The following TSC22D1 variants were observed in gnomAD, a reference collection of about 807,000 sequenced individuals.
TSC22D1 encodes TSC22 domain family member 1.
In TSC22D1, 9 loss-of-function variants were observed where a neutral mutation model predicts 74.2. That is an observed-to-expected ratio of 0.12 (90% CI 0.07 to 0.21). The LOEUF (loss-of-function observed/expected upper bound fraction) is 0.21. Ranked by LOEUF, TSC22D1 falls within the 10% of genes least tolerant of loss-of-function variation. TSC22D1 has a pLI of 1.00. For synonymous variants in TSC22D1, 586 were observed against 492.5 expected (o/e 1.19, Z -2.51); for missense variants, 1,427 against 1,304.7 (o/e 1.09, Z -1.44).
At position 44,574,074 on chromosome 13, in the gene TSC22D1, C is replaced by T. The variant is rs756090419; in HGVS notation, c.2001G>A (p.Met667Ile). 2.9e-5 allele frequency: 47 copies of T among 1,614,112 alleles called. No individual in the cohort carries two copies. Among genetic ancestry groups the T allele is most frequent in the South Asian group, 1.2e-4 (11 of 91,092 alleles). Reference protein sequence around the residue: ...VQQQPILQTAMSSGQPSSAGV... With the variant: ...VQQQPILQTAISSGQPSSAGV... Reference sequence around the variant, plus strand: ...CTGCAGAACTGGGCTGTCCGGAGGACATTGCTGTTTGAAGAATTGGCTGCT... The same window carrying T: ...CTGCAGAACTGGGCTGTCCGGAGGATATTGCTGTTTGAAGAATTGGCTGCT... Residue 667 changes from methionine to isoleucine, a missense_variant, in exon 1 of 3, where the codon ATG becomes ATA. Physicochemically the swap from Met to Ile is conservative, Grantham distance 10. Transcript: ENST00000458659.
chr13:44,451,280 C>G (rs1034993170), intron 1 of TSC22D1: 1 of 152,320 alleles, frequency 6.6e-6, no homozygotes, highest in Non-Finnish European at 1.5e-5. Flanking sequence ...AGCACAGAGA[C>G]TCTGCCCCTC....
chr13:44,496,390 A>G (rs1039694860), intron 1 of TSC22D1, among the ~76,000 whole-genome samples: 2 of 152,130 alleles, frequency 1.3e-5, no homozygotes, highest in Non-Finnish European at 2.9e-5. Flanking sequence ...TTTTAAAAAA[A>G]TCAGTGGGGT....
intron 1 of TSC22D1, among the ~76,000 whole-genome samples, chr13:44,520,876 A>T (rs1280654321): frequency 6.6e-6 from 1 of 152,214 alleles, no homozygotes; most frequent in African/African-American, 2.4e-5. Context: ...TTATGTAGTA[A>T]CAGAGACTAC....
chr13:44,460,494 G>C (rs1375208556), intron 1 of TSC22D1, among the ~76,000 whole-genome samples: 1 of 151,134 alleles, frequency 6.6e-6, no homozygotes, highest in Admixed American at 6.6e-5. Context: ...TTAGTTCAGA[G>C]GGTGATTCCT....
intron 1 of TSC22D1, chr13:44,436,672 AC>A: frequency 6.3e-7 from 1 of 1,596,992 alleles, no homozygotes. Context: ...AAGAGGGAAC[AC>A]CAGCAGCCTT....
At chr13:44,520,718 T>C (rs1880274046) in intron 1 of TSC22D1, among the ~76,000 whole-genome samples, 1 of 152,130 alleles carries the variant, frequency 6.6e-6, no homozygotes, top group African/African-American at 2.4e-5. Flanking sequence ...ATGTCAGATT[T>C]ATGTTTGGTA....
chr13:44,573,883 T>C lies in TSC22D1; in HGVS notation c.2192A>G (p.Asn731Ser), dbSNP rs776904052. The change falls in exon 1 of 3, where the codon AAT becomes AGT. Residue 731 changes from asparagine to serine, a missense_variant. Transcript: ENST00000458659. ...AGGTATGTTTGCTTGCTGACCAATA[T>C]TTGCAATCTGACTGCCAGTAGGTAC... Reference protein sequence around the residue: ...SAVPTGSQIANIGQQANIPTA... With the variant: ...SAVPTGSQIASIGQQANIPTA... 1.2e-6 allele frequency: 2 copies of C among 1,614,198 alleles called. No individual in the cohort carries two copies. Among genetic ancestry groups the C allele is most frequent in the Non-Finnish European group, 1.7e-6 (2 of 1,180,024 alleles).
chr13:44,462,945 C>T (rs781214149), intron 1 of TSC22D1, among the ~76,000 whole-genome samples: 1 of 152,124 alleles, frequency 6.6e-6, no homozygotes, highest in Non-Finnish European at 1.5e-5. Flanking sequence ...TAATTACAAA[C>T]TATAAATTAT....
intron 1 of TSC22D1, among the ~76,000 whole-genome samples, chr13:44,480,999 G>A (rs1204754259): frequency 6.6e-6 from 1 of 152,150 alleles, no homozygotes; most frequent in Non-Finnish European, 1.5e-5. Context: ...AAAGAAGGGA[G>A]GCCAAGCAAC....
At chr13:44,487,859 C>T (rs1878516891) in intron 1 of TSC22D1, among the ~76,000 whole-genome samples, 1 of 152,032 alleles carries the variant, frequency 6.6e-6, no homozygotes, top group Non-Finnish European at 1.5e-5. Context: ...GAGTTTGAGA[C>T]CAGCCCTGGC....
intron 1 of TSC22D1, among the ~76,000 whole-genome samples, chr13:44,487,782 C>T (rs955312718): frequency 2.0e-5 from 3 of 151,666 alleles, no homozygotes; most frequent in Non-Finnish European, 2.9e-5. Flanking sequence ...CTTGGCTAGT[C>T]GCATTAGCTC....
chr13:44,435,391 G>A (rs1874491361), intron 2 of TSC22D1: 2 of 156,998 alleles, frequency 1.3e-5, no homozygotes, highest in Admixed American at 6.4e-5. Flanking sequence ...CAGCCAATGG[G>A]AGCCCGAGTT....
chr13:44,569,497 T>C (rs1029344319), intron 1 of TSC22D1, among the ~76,000 whole-genome samples: 2 of 152,186 alleles, frequency 1.3e-5, no homozygotes, highest in African/African-American at 2.4e-5. Flanking sequence ...ACTGTGCATG[T>C]ACATCTTGAA....
intron 1 of TSC22D1, chr13:44,538,367 C>T (rs961350859): frequency 1.2e-5 from 12 of 985,096 alleles, no homozygotes; most frequent in East Asian, 1.1e-4. Flanking sequence ...AAGCAGTTTT[C>T]GAATAATTAA....
chr13:44,527,777 C>T (rs1880619513), intron 1 of TSC22D1, among the ~76,000 whole-genome samples: 1 of 151,908 alleles, frequency 6.6e-6, no homozygotes, highest in South Asian at 2.1e-4. Flanking sequence ...CAACAAGATC[C>T]GACTGTACAC....
At chr13:44,487,716 T>C (rs1170636773) in intron 1 of TSC22D1, among the ~76,000 whole-genome samples, 1 of 151,230 alleles carries the variant, frequency 6.6e-6, no homozygotes, top group African/African-American at 2.4e-5. Flanking sequence ...AAAAAAAAGA[T>C]AAATAAATTT....
chr13:44,504,587 G>A (rs2137991348), intron 1 of TSC22D1, among the ~76,000 whole-genome samples: 1 of 134,222 alleles, frequency 7.5e-6, no homozygotes, highest in South Asian at 2.5e-4. Context: ...CTGGGTGACA[G>A]AGGGAGACTG....
At chr13:44,532,645 T>C (rs1053086833) in intron 1 of TSC22D1, among the ~76,000 whole-genome samples, 4 of 152,000 alleles carry the variant, frequency 2.6e-5, no homozygotes, top group African/African-American at 9.7e-5. Context: ...GGCTATTTTT[T>C]TAATATTTTT....
intron 1 of TSC22D1, among the ~76,000 whole-genome samples, chr13:44,546,749 CGTGTGTGTGT>C (rs58111185): frequency 2.7e-5 from 4 of 146,738 alleles, no homozygotes; most frequent in African/African-American, 7.5e-5. Context: ...GTGTGAAATA[CGTGTGTGTGT>C]GTGTGTGTGT....
Sources: allele counts gnomAD v4.1 joint callset (sites outside exome capture counted in the v4.1 genomes callset), GRCh38; gene constraint gnomAD v4.1.1; transcripts MANE v1.5; gene names NCBI Gene and HGNC (gene_info 2026-07-23, HGNC 2026-07-21).